The following SYT1 variants were observed in gnomAD, a reference collection of about 807,000 sequenced individuals.
SYT1 encodes synaptotagmin-1.
In SYT1, 8 loss-of-function variants were observed where a neutral mutation model predicts 44.8. That is an observed-to-expected ratio of 0.18 (90% CI 0.10 to 0.32). The LOEUF (loss-of-function observed/expected upper bound fraction) is 0.32, where lower values mean the gene tolerates loss of function less well. SYT1 is among the 10% of genes least tolerant of loss of function. The pLI, the probability that SYT1 is intolerant of heterozygous loss-of-function variation, is 1.00. For synonymous variants in SYT1, 154 were observed against 188.8 expected, an observed-to-expected ratio of 0.82 and a Z score of 1.51; for missense variants, 286 against 509.3, an observed-to-expected ratio of 0.56 and a Z score of 4.22.
intron 1 of SYT1, among the ~76,000 whole-genome samples, chr12:78,929,614 A>G (rs1000811945): frequency 3.9e-5 from 6 of 151,956 alleles, no homozygotes; most frequent in Non-Finnish European, 8.8e-5. Context: ...TTATTTTAAA[A>G]AGCCAAATGA....
chr12:79,149,714 G>C (rs1356642973), intron 3 of SYT1, among the ~76,000 whole-genome samples: 1 of 152,154 alleles, frequency 6.6e-6, no homozygotes, highest in Non-Finnish European at 1.5e-5. Flanking sequence ...GGGACTGCTA[G>C]ACTAGATTAT....
intron 3 of SYT1, among the ~76,000 whole-genome samples, chr12:79,120,445 C>A (rs1303556991): frequency 6.6e-6 from 1 of 151,926 alleles, no homozygotes; most frequent in African/African-American, 2.4e-5. Flanking sequence ...TATAAAAATG[C>A]AAAATTTGAG....
intron 9 of SYT1, among the ~76,000 whole-genome samples, chr12:79,441,829 G>C (rs1208081097): frequency 1.3e-5 from 2 of 152,126 alleles, no homozygotes; most frequent in African/African-American, 4.8e-5. Flanking sequence ...TGCTCCTTCT[G>C]GCTGGTACAA....
chr12:79,386,689 T>C (rs1884447912), intron 9 of SYT1, among the ~76,000 whole-genome samples: 1 of 152,366 alleles, frequency 6.6e-6, no homozygotes, highest in Non-Finnish European at 1.5e-5. Context: ...TACACACCTA[T>C]TAGAACCATA....
intron 3 of SYT1, among the ~76,000 whole-genome samples, chr12:79,053,012 C>T (rs1412137161): frequency 6.6e-6 from 1 of 152,070 alleles, no homozygotes; most frequent in South Asian, 2.1e-4. Flanking sequence ...ACTGGGTATA[C>T]ACCCAAAGGA....
chr12:78,940,877 TACA>T (rs1878310427), intron 1 of SYT1, among the ~76,000 whole-genome samples: 1 of 152,230 alleles, frequency 6.6e-6, no homozygotes, highest in African/African-American at 2.4e-5. Flanking sequence ...AGTGGACTAG[TACA>T]ACAATACTTT....
intron 3 of SYT1, among the ~76,000 whole-genome samples, chr12:79,183,147 C>T (rs10861651): frequency 0.69 from 104,787 of 151,866 alleles, 36,536 homozygotes; most frequent in African/African-American, 0.72. Context: ...ACTTTTGTCC[C>T]CTGGAGCATG....
intron 8 of SYT1, among the ~76,000 whole-genome samples, chr12:79,318,895 G>A (rs1001602773): frequency 2.0e-5 from 3 of 152,152 alleles, no homozygotes; most frequent in African/African-American, 7.2e-5. Flanking sequence ...GGAATTTTAT[G>A]TTTTTATTTT....
chr12:79,393,514 G>A (rs960404129), intron 9 of SYT1: 5 of 152,152 alleles, frequency 3.3e-5, no homozygotes, highest in Admixed American at 2.0e-4. Flanking sequence ...GCGTGAGATG[G>A]TATCTCATTG....
intron 1 of SYT1, among the ~76,000 whole-genome samples, chr12:78,908,455 C>T (rs1345229270): frequency 6.6e-6 from 1 of 151,406 alleles, no homozygotes; most frequent in Non-Finnish European, 1.5e-5. Flanking sequence ...TTCAAAGAAA[C>T]CAGAAGCTCA....
chr12:79,356,557 C>T (rs1415978891), intron 9 of SYT1, among the ~76,000 whole-genome samples: 4 of 152,104 alleles, frequency 2.6e-5, no homozygotes, highest in Non-Finnish European at 5.9e-5. Context: ...AGTAAGTTGA[C>T]CTATGTACGA....
At chr12:78,977,764 A>G (rs1203930800) in intron 1 of SYT1, 35 bp from the exon 2 acceptor site, 1 of 152,176 alleles carries the variant, frequency 6.6e-6, no homozygotes, top group African/African-American at 2.4e-5. Context: ...GCAGGCTAGC[A>G]TTTTCACAGA....
Position 78,917,508 on chromosome 12 carries a change from G to A in SYT1, c.-217+52399G>A, listed in dbSNP as rs530482802. Among the ~76,000 whole-genome samples the A allele has an allele frequency of 5.3e-5, 8 of 151,792 alleles. No homozygotes were observed. In the East Asian group the frequency reaches 1.2e-3, roughly 22 times the overall value. ...GATAGCATTAGGAGGTGTACCTAAT[G>A]TAAATGACGAGTTAATGGGTGCAGC... On this transcript the variant is annotated intron_variant, in intron 1 of 10. Coordinates refer to ENST00000261205, the MANE Select transcript of SYT1 (RefSeq NM_005639.3).
intron 8 of SYT1, among the ~76,000 whole-genome samples, chr12:79,312,517 A>G (rs1437603602): frequency 5.9e-5 from 9 of 151,970 alleles, no homozygotes; most frequent in African/African-American, 1.5e-4. Context: ...CCCTTTTGAT[A>G]AAAGAACAAA....
chr12:79,053,780 T>C (rs367931472), intron 3 of SYT1, among the ~76,000 whole-genome samples: 18 of 151,842 alleles, frequency 1.2e-4, no homozygotes, highest in African/African-American at 3.9e-4. Flanking sequence ...TTGCCTTAAT[T>C]GTTTTTGGAG....
At chr12:79,124,435 C>A (rs561534089) in intron 3 of SYT1, among the ~76,000 whole-genome samples, 2 of 152,074 alleles carry the variant, frequency 1.3e-5, no homozygotes, top group Admixed American at 6.6e-5. Context: ...TTACAACTTA[C>A]GACTCTTCTT....
At position 78,982,868 on chromosome 12, in the gene SYT1, C is replaced by T. The variant is rs947989182; in HGVS notation, c.-84+4937C>T. ...CCAACAAATCTTATCCATCATGCAG[C>T]CTGAGTTCATACCTTTGTTTCTTCA... On this transcript the variant is annotated intron_variant, in intron 2 of 10. Transcript: ENST00000261205. Among the ~76,000 whole-genome samples, 23 of 152,236 alleles carry T rather than the reference C, an allele frequency of 1.5e-4. 1 individual carries two copies. Among genetic ancestry groups the T allele is most frequent in the South Asian group, 1.2e-3 (6 of 4,828 alleles).
intron 3 of SYT1, among the ~76,000 whole-genome samples, chr12:79,182,969 G>C (rs981708918): frequency 1.3e-5 from 2 of 151,982 alleles, no homozygotes; most frequent in Non-Finnish European, 2.9e-5. Flanking sequence ...ATGCAAACTG[G>C]TCCTTGTAAT....
At chr12:79,344,396 A>G (rs112934502) in intron 8 of SYT1, among the ~76,000 whole-genome samples, 12 of 152,318 alleles carry the variant, frequency 7.9e-5, no homozygotes, top group African/African-American at 2.9e-4. Context: ...GTGAATGAAT[A>G]CACATGGTGG....
Sources: gnomAD v4.1 joint callset for allele counts (sites outside exome capture counted in the v4.1 genomes callset) on GRCh38, gnomAD v4.1.1 for gene constraint, MANE v1.5 for transcripts, NCBI Gene and HGNC (gene_info 2026-07-23, HGNC 2026-07-21) for gene names.